UBASH3B: variants seen among roughly 807,000 people sequenced by gnomAD.
UBASH3B encodes the protein ubiquitin-associated and SH3 domain-containing protein B.
A neutral mutation model predicts 83.4 loss-of-function variants in UBASH3B; 37 were observed. That is an observed-to-expected ratio of 0.44 (90% CI 0.34 to 0.58). The LOEUF (loss-of-function observed/expected upper bound fraction) is 0.58, where lower values mean the gene tolerates loss of function less well. Ranked by LOEUF, UBASH3B falls within the 20% of genes least tolerant of loss-of-function variation. The pLI is 0.01. For missense variants in UBASH3B, 657 were observed against 827.2 expected (o/e 0.79, Z 2.52); for synonymous variants, 304 against 318.3 (o/e 0.96, Z 0.48).
intron 6 of UBASH3B, among the ~76,000 whole-genome samples, chr11:122,792,817 C>T (rs1028705633): frequency 6.6e-6 from 1 of 152,156 alleles, no homozygotes; most frequent in Non-Finnish European, 1.5e-5. Context: ...GTTCCTGGGT[C>T]CCACCCCTGA....
At chr11:122,717,466 C>T (rs1860544375) in intron 1 of UBASH3B, among the ~76,000 whole-genome samples, 1 of 152,216 alleles carries the variant, frequency 6.6e-6, no homozygotes, top group Non-Finnish European at 1.5e-5. Context: ...ACCCAGGCTG[C>T]CTGGATCCTG....
At chr11:122,778,580 G>A (rs967978547) in intron 3 of UBASH3B, among the ~76,000 whole-genome samples, 10 of 149,996 alleles carry the variant, frequency 6.7e-5, no homozygotes, top group Non-Finnish European at 1.0e-4. Context: ...CACAAGCAAG[G>A]AGAACTTTGA....
chr11:122,748,237 C>T (rs1861149941), intron 1 of UBASH3B, among the ~76,000 whole-genome samples: 1 of 152,242 alleles, frequency 6.6e-6, no homozygotes, highest in Admixed American at 6.5e-5. Flanking sequence ...GTCATTCTGC[C>T]TTTCAGCTGT....
chr11:122,695,507 A>G (rs1413447028), intron 1 of UBASH3B, among the ~76,000 whole-genome samples: 1 of 152,186 alleles, frequency 6.6e-6, no homozygotes, highest in Non-Finnish European at 1.5e-5. Flanking sequence ...TTCTGGGAAT[A>G]TCTCCTTGAG....
chr11:122,799,735 T>C (rs1019805299), intron 10 of UBASH3B, among the ~76,000 whole-genome samples: 1 of 152,224 alleles, frequency 6.6e-6, no homozygotes, highest in African/African-American at 2.4e-5. Context: ...CATTTTTTTC[T>C]TTACTTAATT....
At chr11:122,765,138 T>C (rs2135123470) in intron 1 of UBASH3B, among the ~76,000 whole-genome samples, 1 of 152,142 alleles carries the variant, frequency 6.6e-6, no homozygotes, top group South Asian at 2.1e-4. Context: ...GGTTCGGTTT[T>C]ATTCATTTTT....
At chr11:122,658,725 G>A (rs2135887493) in intron 1 of UBASH3B, among the ~76,000 whole-genome samples, 1 of 152,330 alleles carries the variant, frequency 6.6e-6, no homozygotes, top group Non-Finnish European at 1.5e-5. Context: ...GTAGGGCCAG[G>A]ATAGAAATGA....
chr11:122,657,453 T>G (rs1017862629), intron 1 of UBASH3B, among the ~76,000 whole-genome samples: 6 of 152,108 alleles, frequency 3.9e-5, no homozygotes, highest in Non-Finnish European at 7.3e-5. Context: ...CACACCGGGC[T>G]AATTTTTATA....
intron 1 of UBASH3B, among the ~76,000 whole-genome samples, chr11:122,720,065 T>C (rs549113276): frequency 6.6e-6 from 1 of 152,216 alleles, no homozygotes; most frequent in South Asian, 2.1e-4. Context: ...CTCACCCCCA[T>C]AGTAGTCTCC....
chr11:122,696,706 C>G (rs933404497), intron 1 of UBASH3B, among the ~76,000 whole-genome samples: 9 of 152,144 alleles, frequency 5.9e-5, no homozygotes, highest in Admixed American at 3.9e-4. Flanking sequence ...TTTCCTGGGC[C>G]GTGTTTAGTA....
intron 1 of UBASH3B, among the ~76,000 whole-genome samples, chr11:122,771,022 G>C (rs941337164): frequency 6.6e-6 from 1 of 152,148 alleles, no homozygotes; most frequent in Non-Finnish European, 1.5e-5. Context: ...AGGCCTTTGC[G>C]AGTGATCTCC....
Position 122,748,165 on chromosome 11 carries a change from T to C in UBASH3B, c.162-28054T>C, listed in dbSNP as rs543449204. On this transcript the variant is annotated intron_variant, in intron 1 of 13. Transcript: ENST00000284273. ...TAAGAAAAGGTGGAGCGACTTCACA[T>C]AGTGGTTTAAAACTGACAAAATCCA... 1.3e-3 allele frequency among the ~76,000 whole-genome samples: 199 copies of C among 152,344 alleles called. 1 individual carries two copies. Among genetic ancestry groups the C allele is most frequent in the African/African-American group, 4.4e-3 (183 of 41,576 alleles).
At chr11:122,748,418 T>C (rs1367994373) in intron 1 of UBASH3B, among the ~76,000 whole-genome samples, 1 of 152,210 alleles carries the variant, frequency 6.6e-6, no homozygotes, top group Non-Finnish European at 1.5e-5. Context: ...GCTGCCCCTA[T>C]AGACGGGCAC....
At chr11:122,746,017 C>T (rs775804854) in intron 1 of UBASH3B, among the ~76,000 whole-genome samples, 1 of 152,180 alleles carries the variant, frequency 6.6e-6, no homozygotes, top group Non-Finnish European at 1.5e-5. Flanking sequence ...CACGGGACCT[C>T]GTCCTTCTTA....
At chr11:122,672,711 A>G (rs2135901100) in intron 1 of UBASH3B, among the ~76,000 whole-genome samples, 1 of 152,268 alleles carries the variant, frequency 6.6e-6, no homozygotes, top group South Asian at 2.1e-4. Context: ...TTTGGAAACC[A>G]TTGGCCCACG....
At chr11:122,742,640 G>C (rs1167642754) in intron 1 of UBASH3B, among the ~76,000 whole-genome samples, 1 of 152,162 alleles carries the variant, frequency 6.6e-6, no homozygotes, top group African/African-American at 2.4e-5. Context: ...CTCCCCTCCA[G>C]AACCCCCTTG....
At chr11:122,736,603 C>T (rs1860936177) in intron 1 of UBASH3B, among the ~76,000 whole-genome samples, 1 of 152,100 alleles carries the variant, frequency 6.6e-6, no homozygotes, top group South Asian at 2.1e-4. Context: ...GCATCTACCT[C>T]ATGGCCTGTA....
chr11:122,799,133 G>C, intron 10 of UBASH3B, 99 bp downstream of exon 10: 1 of 972,468 alleles, frequency 1.0e-6, no homozygotes. Flanking sequence ...TTTGCCAGTT[G>C]AAAGCTTTGA....
chr11:122,779,471 T>C (rs368604944), intron 3 of UBASH3B, 26 bp from the exon 4 acceptor site: 1 of 1,612,816 alleles, frequency 6.2e-7, no homozygotes, highest in African/African-American at 1.3e-5. Context: ...TGTCTCTGAG[T>C]GAAGACTGCC....
Sources: allele counts gnomAD v4.1 joint callset (sites outside exome capture counted in the v4.1 genomes callset), GRCh38; gene constraint gnomAD v4.1.1; transcripts MANE v1.5; gene names NCBI Gene and HGNC (gene_info 2026-07-23, HGNC 2026-07-21).